The following ZNF730 variants were observed in gnomAD, a reference collection of about 807,000 sequenced individuals.
ZNF730 encodes putative zinc finger protein 730.
Under a neutral mutation model 12.6 loss-of-function variants are expected in ZNF730, and 12 were observed. The ratio of observed to expected loss-of-function variants is 0.95; its 90% CI spans 0.61 to 1.54. The LOEUF (loss-of-function observed/expected upper bound fraction) is 1.54, where lower values mean the gene tolerates loss of function less well. ZNF730 is among the 40% of genes most tolerant of loss of function. The probability of loss-of-function intolerance (pLI) is 0.00; values close to 1 mark genes in which losing one functional copy is unlikely to be tolerated. For missense variants in ZNF730, 643 were observed against 583.5 expected (o/e 1.10, Z -1.05); for synonymous variants, 194 against 195.8 (o/e 0.99, Z 0.08).
intron 1 of ZNF730, among the ~76,000 whole-genome samples, chr19:23,083,446 C>G (rs1970001748): frequency 6.6e-6 from 1 of 152,024 alleles, no homozygotes; most frequent in African/African-American, 2.4e-5. Flanking sequence ...AAGATACATA[C>G]CCAGTAGTAA....
intron 1 of ZNF730, among the ~76,000 whole-genome samples, chr19:23,119,746 G>A (rs1970575837): frequency 6.6e-6 from 1 of 152,142 alleles, no homozygotes; most frequent in African/African-American, 2.4e-5. Flanking sequence ...GAACCTAGGA[G>A]GCAGAGGTTG....
At position 23,107,449 on chromosome 19, in the gene ZNF730, CAAAAAAA is replaced by C. The variant is rs57120684; in HGVS notation, c.-93-26611_-93-26605del. On this transcript the variant is annotated intron_variant, in intron 1 of 2. Transcript: ENST00000593635. ...TGTCTCTACTTTAAAAAAAAAATAC[CAAAAAAA>C]AAAAAAAAAAAAAAAAAAACCACCA... Among the ~76,000 whole-genome samples, 233 of 47,322 alleles carry C rather than the reference CAAAAAAA, an allele frequency of 4.9e-3. 3 individuals are homozygous for C. Among genetic ancestry groups the C allele is most frequent in the Middle Eastern group, 0.022 (1 of 46 alleles). 31.0% of individuals were successfully genotyped at this position (47,322 alleles called of 152,430 possible).
intron 1 of ZNF730, among the ~76,000 whole-genome samples, chr19:23,132,455 T>G (rs894507524): frequency 2.0e-5 from 3 of 151,552 alleles, no homozygotes; most frequent in Admixed American, 2.0e-4. Context: ...AACTACGTTT[T>G]AAAATTCTTA....
chr19:23,104,035 G>T (rs1970363917), intron 1 of ZNF730, among the ~76,000 whole-genome samples: 1 of 152,168 alleles, frequency 6.6e-6, no homozygotes, highest in South Asian at 2.1e-4. Flanking sequence ...TCAGGGCCGG[G>T]TGTGGTGGCT....
intron 2 of ZNF730, 106 bp downstream of exon 2, chr19:23,134,312 C>CT (rs901740505): frequency 0.03 from 25,268 of 842,202 alleles, 1 homozygote; most frequent in South Asian, 0.038. Context: ...TTTTCTTTTT[C>CT]TTTTTTTTTT....
At chr19:23,134,454 G>A (rs1289594186) in intron 2 of ZNF730, among the ~76,000 whole-genome samples, 7 of 146,132 alleles carry the variant, frequency 4.8e-5, no homozygotes, top group Admixed American at 1.3e-4. Context: ...TCGGCCAGCC[G>A]CCCTGTCCGG....
chr19:23,096,911 G>A (rs1460958149), intron 1 of ZNF730, among the ~76,000 whole-genome samples: 2 of 152,182 alleles, frequency 1.3e-5, no homozygotes, highest in Non-Finnish European at 1.5e-5. Flanking sequence ...TTTATGGCAT[G>A]GGAACTGTCC....
At chr19:23,086,139 G>A (rs942219284) in intron 1 of ZNF730, among the ~76,000 whole-genome samples, 1 of 151,928 alleles carries the variant, frequency 6.6e-6, no homozygotes, top group Non-Finnish European at 1.5e-5. Context: ...CGCCTTGCCC[G>A]GCCCCACCCA....
At chr19:23,134,022 A>G (rs1175003149) in intron 1 of ZNF730, 58 bp from the exon 2 acceptor site, 1 of 1,599,412 alleles carries the variant, frequency 6.3e-7, no homozygotes, top group Non-Finnish European at 8.5e-7. Flanking sequence ...CTTGAGTGAA[A>G]CTTAAAATTC....
At chr19:23,096,004 C>T (rs1255612467) in intron 1 of ZNF730, among the ~76,000 whole-genome samples, 1 of 151,976 alleles carries the variant, frequency 6.6e-6, no homozygotes, top group African/African-American at 2.4e-5. Flanking sequence ...CACTTTTTGG[C>T]CAAGCACCTA....
intron 1 of ZNF730, among the ~76,000 whole-genome samples, chr19:23,108,966 T>C (rs1043103400): frequency 1.3e-5 from 2 of 152,082 alleles, no homozygotes; most frequent in South Asian, 4.1e-4. Flanking sequence ...GCCAGGCTGG[T>C]CTCGAACTCC....
Position 23,078,036 on chromosome 19 carries a change from A to C in ZNF730, c.-94+2649A>C, listed in dbSNP as rs555630300. Reference sequence around the variant, plus strand: ...TACCCAGGGACACAATACACTGCTGAAGGCCGCAGGGACCTCTGCCTAGGA... The same window carrying C: ...TACCCAGGGACACAATACACTGCTGCAGGCCGCAGGGACCTCTGCCTAGGA... On this transcript the variant is annotated intron_variant, in intron 1 of 2. Transcript: ENST00000593635. 7.2e-5 allele frequency among the ~76,000 whole-genome samples: 11 copies of C among 152,296 alleles called. No individual in the cohort carries two copies. In the East Asian group the frequency reaches 2.1e-3, roughly 29 times the overall value.
At chr19:23,075,211 G>T (rs117816646) in exon 1 of ZNF730, 1 of 152,236 alleles carries the variant, frequency 6.6e-6, no homozygotes, top group African/African-American at 2.4e-5. Flanking sequence ...ATTTGGCGGG[G>T]TCTTTGTCTC....
At chr19:23,095,952 G>A (rs1012506289) in intron 1 of ZNF730, among the ~76,000 whole-genome samples, 1 of 152,134 alleles carries the variant, frequency 6.6e-6, no homozygotes, top group African/African-American at 2.4e-5. Context: ...CTGAGATTGT[G>A]ACTGTCTTTT....
At position 23,145,550 on chromosome 19, in the gene ZNF730, C is replaced by T. The variant is rs749373303; in HGVS notation, c.506C>T (p.Ser169Leu). The T allele has an allele frequency of 4.4e-5, 69 of 1,551,814 alleles. No homozygotes were observed. In the Middle Eastern group the frequency reaches 6.7e-4, roughly 15 times the overall value. ...AACAGACATAAGATAAGACATACTT[C>T]GAAGAAACCTTTCAAATGTAAAGAA... ...NSNRHKIRHT[S>L]KKPFKCKECG... The change falls in exon 4 of 4, where the codon TCG becomes TTG. Residue 169 changes from serine to leucine, a missense_variant. Coordinates refer to ENST00000597761, the MANE Select transcript of ZNF730 (RefSeq NM_001277403.2).
chr19:23,107,898 T>C (rs2145563393), intron 1 of ZNF730, among the ~76,000 whole-genome samples: 1 of 152,318 alleles, frequency 6.6e-6, no homozygotes, highest in Non-Finnish European at 1.5e-5. Context: ...GTATGTTTTT[T>C]ATTTTAAGAG....
intron 1 of ZNF730, among the ~76,000 whole-genome samples, chr19:23,107,885 A>G (rs987000078): frequency 2.6e-5 from 4 of 152,114 alleles, no homozygotes. Context: ...AGTTTGGTTC[A>G]TGGTATGTTT....
chr19:23,105,648 A>C (rs1340480907), intron 1 of ZNF730, among the ~76,000 whole-genome samples: 1 of 152,210 alleles, frequency 6.6e-6, no homozygotes, highest in Non-Finnish European at 1.5e-5. Flanking sequence ...GTTTATTGTA[A>C]TGTTATATAT....
chr19:23,075,779 C>G (rs1473191879), intron 1 of ZNF730, among the ~76,000 whole-genome samples: 1 of 151,794 alleles, frequency 6.6e-6, no homozygotes, highest in East Asian at 1.9e-4. Context: ...CTCGCTCTGT[C>G]GCTAAGGTAA....
Sources: allele counts gnomAD v4.1 joint callset (sites outside exome capture counted in the v4.1 genomes callset), GRCh38; gene constraint gnomAD v4.1.1; transcripts MANE v1.5; gene names NCBI Gene and HGNC (gene_info 2026-07-23, HGNC 2026-07-21).